LRRC4C: variants seen among roughly 807,000 people sequenced by gnomAD.
LRRC4C encodes leucine rich repeat containing 4C.
LRRC4C carries 5 observed loss-of-function variants against 33.6 expected under a neutral mutation model. The observed-to-expected ratio is 0.15, with a 90% CI of 0.08 to 0.31. The LOEUF is 0.31. LRRC4C is among the 10% of genes least tolerant of loss of function. The pLI, the probability that LRRC4C is intolerant of heterozygous loss-of-function variation, is 1.00. For synonymous variants in LRRC4C, 329 were observed against 302.0 expected (o/e 1.09, Z -0.93); for missense variants, 560 against 796.7 (o/e 0.70, Z 3.58).
chr11:40,721,607 T>C (rs768813834), intron 2 of LRRC4C, among the ~76,000 whole-genome samples: 1 of 152,176 alleles, frequency 6.6e-6, no homozygotes, highest in Non-Finnish European at 1.5e-5. Flanking sequence ...CCCAATAATA[T>C]TAGAGAAGAT....
intron 2 of LRRC4C, among the ~76,000 whole-genome samples, chr11:40,699,039 A>G (rs1945726832): frequency 6.6e-6 from 1 of 152,102 alleles, no homozygotes; most frequent in Admixed American, 6.6e-5. Context: ...TGAGTTTCCT[A>G]CTATTCACCC....
intron 1 of LRRC4C, among the ~76,000 whole-genome samples, chr11:41,057,445 T>A (rs113477998): frequency 0.012 from 1,791 of 152,264 alleles, 36 homozygotes; most frequent in African/African-American, 0.04. Context: ...AGCAGACAGG[T>A]TCCTGGGTGG....
chr11:40,572,379 G>A (rs992937156), intron 3 of LRRC4C, among the ~76,000 whole-genome samples: 1 of 152,168 alleles, frequency 6.6e-6, no homozygotes, highest in Non-Finnish European at 1.5e-5. Context: ...GCAAGCATCA[G>A]AGAGATTTAA....
At chr11:40,402,111 G>A (rs988935809) in intron 3 of LRRC4C, among the ~76,000 whole-genome samples, 1 of 151,972 alleles carries the variant, frequency 6.6e-6, no homozygotes, top group Non-Finnish European at 1.5e-5. Flanking sequence ...AACCATTTGA[G>A]AACACTGAAA....
chr11:40,871,518 C>A (rs1416483213), intron 2 of LRRC4C, among the ~76,000 whole-genome samples: 2 of 152,086 alleles, frequency 1.3e-5, no homozygotes, highest in Non-Finnish European at 2.9e-5. Flanking sequence ...GGCAGGTTCA[C>A]CCGATACAGG....
intron 3 of LRRC4C, among the ~76,000 whole-genome samples, chr11:40,366,048 C>G (rs780234449): frequency 6.6e-6 from 1 of 151,972 alleles, no homozygotes; most frequent in Non-Finnish European, 1.5e-5. Context: ...CCAACTATCT[C>G]TATTACTTAG....
In LRRC4C at chr11:40,756,892, C is replaced by CT. The variant is rs1181347813; in HGVS notation, c.-406-108615dup. On this transcript the variant is annotated intron_variant, in intron 2 of 6. Transcript: ENST00000528697. ...CTTCATCCCATTTCTTTCTGTCAGA[C>CT]TTTTTTTTTTCAAAATTTCCTTGAG... 1.2e-4 allele frequency among the ~76,000 whole-genome samples: 18 copies of CT among 151,318 alleles called. No homozygotes were observed. In the East Asian group the frequency reaches 1.6e-3, roughly 13 times the overall value.
chr11:40,500,293 T>TATATATATAC (rs1394949843), intron 3 of LRRC4C, among the ~76,000 whole-genome samples: 13 of 96,846 alleles, frequency 1.3e-4, no homozygotes, highest in Non-Finnish European at 2.2e-4. Context: ...TATATATATA[T>TATATATATAC]ACACACACAC....
At chr11:41,012,219 C>A (rs973923367) in intron 1 of LRRC4C, among the ~76,000 whole-genome samples, 1 of 152,000 alleles carries the variant, frequency 6.6e-6, no homozygotes, top group African/African-American at 2.4e-5. Flanking sequence ...ATTAATTAAT[C>A]TTTCTTTATC....
At chr11:40,185,387 A>T (rs1565103972) in intron 5 of LRRC4C, among the ~76,000 whole-genome samples, 1 of 152,130 alleles carries the variant, frequency 6.6e-6, no homozygotes, top group African/African-American at 2.4e-5. Flanking sequence ...CAAGAGCCCA[A>T]GAAACTCCTC....
intron 2 of LRRC4C, among the ~76,000 whole-genome samples, chr11:40,931,708 AT>A: frequency 6.6e-6 from 1 of 151,978 alleles, no homozygotes; most frequent in South Asian, 2.1e-4. Context: ...ACTTATAATT[AT>A]TTTTAAGTGA....
intron 6 of LRRC4C, among the ~76,000 whole-genome samples, chr11:40,121,448 T>C (rs1306782554): frequency 6.6e-6 from 1 of 152,236 alleles, no homozygotes; most frequent in Non-Finnish European, 1.5e-5. Context: ...ATCTAAATTA[T>C]GTTACTTTAT....
rs531737921 is a variant in LRRC4C, at chr11:40,708,189, GT to G, written c.-406-59912del. ...CCTGGATTCACTGATTTTTTGAAGG[GT>G]TTTTTTTATGTCTCTATCTCCTTCA... is the stretch of plus-strand genomic sequence containing the variant. On this transcript the variant is annotated intron_variant, in intron 2 of 6. Transcript: ENST00000528697. Among the ~76,000 whole-genome samples, 57 of 151,680 alleles carry G rather than the reference GT, an allele frequency of 3.8e-4. 1 individual carries two copies. The South Asian group carries it at 0.01, about 28-fold the overall frequency.
At chr11:40,134,480 C>T (rs969564449) in intron 6 of LRRC4C, among the ~76,000 whole-genome samples, 1 of 152,052 alleles carries the variant, frequency 6.6e-6, no homozygotes, top group Non-Finnish European at 1.5e-5. Context: ...ATAAGCAAAA[C>T]TCTAAGATGA....
chr11:41,062,720 G>A (rs1293402102), intron 1 of LRRC4C, among the ~76,000 whole-genome samples: 5 of 152,028 alleles, frequency 3.3e-5, no homozygotes, highest in Non-Finnish European at 7.4e-5. Context: ...TTGAAAATAC[G>A]GTCTGTGCAG....
At chr11:41,003,850 G>A (rs1376336435) in intron 1 of LRRC4C, among the ~76,000 whole-genome samples, 2 of 152,004 alleles carry the variant, frequency 1.3e-5, no homozygotes, top group Non-Finnish European at 2.9e-5. Flanking sequence ...ACATCAGGGT[G>A]TTTTATGCAT....
intron 2 of LRRC4C, among the ~76,000 whole-genome samples, chr11:40,910,607 C>A (rs1339627376): frequency 2.0e-5 from 3 of 152,318 alleles, no homozygotes; most frequent in African/African-American, 7.2e-5. Flanking sequence ...CTCCAGTCTA[C>A]AGCTCCCAGC....
chr11:40,268,928 T>C (rs1483330196), intron 4 of LRRC4C, among the ~76,000 whole-genome samples: 2 of 152,204 alleles, frequency 1.3e-5, no homozygotes, highest in Non-Finnish European at 1.5e-5. Context: ...CTTAAGTAGC[T>C]TACTTTACCA....
chr11:41,265,153 A>T (rs1172860474), intron 1 of LRRC4C, among the ~76,000 whole-genome samples: 1 of 152,152 alleles, frequency 6.6e-6, no homozygotes, highest in Non-Finnish European at 1.5e-5. Flanking sequence ...AGGAATGAAC[A>T]TGGCATTATT....
Sources: gnomAD v4.1 joint callset for allele counts (sites outside exome capture counted in the v4.1 genomes callset) on GRCh38, gnomAD v4.1.1 for gene constraint, MANE v1.5 for transcripts, NCBI Gene and HGNC (gene_info 2026-07-23, HGNC 2026-07-21) for gene names.